Variants in ACVR1C observed in about 807,000 individuals in gnomAD.
The protein encoded by ACVR1C is activin receptor type-1C.
Under a neutral mutation model 57.9 loss-of-function variants are expected in ACVR1C, and 23 were observed. That is an observed-to-expected ratio of 0.40 (90% CI 0.29 to 0.56). ACVR1C has a LOEUF of 0.56. ACVR1C is among the 20% of genes least tolerant of loss of function. The pLI, the probability that ACVR1C is intolerant of heterozygous loss-of-function variation, is 0.50. For missense variants in ACVR1C, 480 were observed against 607.9 expected (o/e 0.79, Z 2.21); for synonymous variants, 214 against 215.3 (o/e 0.99, Z 0.05).
At chr2:157,619,865 G>C (rs1323518639) in intron 1 of ACVR1C, among the ~76,000 whole-genome samples, 1 of 151,886 alleles carries the variant, frequency 6.6e-6, no homozygotes, top group African/African-American at 2.4e-5. Context: ...GGTAAAAGGA[G>C]AGAAAATTCA....
rs925028615 is a variant in ACVR1C, at chr2:157,566,761, C to G, written c.305-10429G>C. On this transcript the variant is annotated intron_variant, in intron 2 of 8. Coordinates refer to ENST00000243349, the MANE Select transcript of ACVR1C (RefSeq NM_145259.3). ...AGCACAGCAGTCTGAGATCAAACTG[C>G]AAGGCGGCAACGAGGCTGGGGGAGG... 1.5e-3 allele frequency among the ~76,000 whole-genome samples: 231 copies of G among 151,746 alleles called. 1 individual carries two copies. The highest frequency in any genetic ancestry group is 2.2e-3 in the Non-Finnish European group (147 of 67,782).
chr2:157,535,993 T>C (rs1051421124), intron 8 of ACVR1C, among the ~76,000 whole-genome samples: 4 of 152,120 alleles, frequency 2.6e-5, no homozygotes, highest in African/African-American at 9.7e-5. Flanking sequence ...ACAAAGAGTC[T>C]AAATGCTCTA....
chr2:157,532,442 A>T lies in ACVR1C; in HGVS notation c.*1476T>A, dbSNP rs879251325. On this transcript the variant is annotated 3_prime_UTR_variant, in exon 9 of 9. Coordinates refer to ENST00000243349, the MANE Select transcript of ACVR1C (RefSeq NM_145259.3). ...TCTTCAAAATACATTATATGCTAAC[A>T]TGTACTATCACTTTATAAGCAAGTA... 2.6e-5 allele frequency: 4 copies of T among 151,642 alleles called. No individual in the cohort carries two copies. In the South Asian group the frequency reaches 8.3e-4, roughly 32 times the overall value. 9.4% of individuals were successfully genotyped at this position (151,642 alleles called of 1,614,324 possible). A position where few individuals can be genotyped will look rare whatever the true frequency, so the allele number is the denominator to read the frequency against.
At chr2:157,623,373 G>A (rs1451679165) in intron 1 of ACVR1C, among the ~76,000 whole-genome samples, 39 of 152,104 alleles carry the variant, frequency 2.6e-4, no homozygotes, top group Admixed American at 2.5e-3. Flanking sequence ...ATCAACAGAC[G>A]AATGGATAAC....
intron 1 of ACVR1C, among the ~76,000 whole-genome samples, chr2:157,627,134 T>A (rs2105163823): frequency 6.6e-6 from 1 of 152,266 alleles, no homozygotes; most frequent in Middle Eastern, 3.4e-3. Context: ...TATCAGCTCC[T>A]CCAAATAAAA....
At chr2:157,628,100 A>G (rs948842640) in intron 1 of ACVR1C, among the ~76,000 whole-genome samples, 6 of 152,120 alleles carry the variant, frequency 3.9e-5, no homozygotes, top group African/African-American at 1.4e-4. Context: ...CCTAAAACTC[A>G]GACTAAATCA....
chr2:157,538,580 C>A lies in ACVR1C; in HGVS notation c.1349G>T (p.Ser450Ile). The change falls in exon 8 of 9, where the codon AGT (serine) becomes ATT (isoleucine). Residue 450 changes from serine (S) to isoleucine (I), a missense_variant. Coordinates refer to ENST00000243349, the MANE Select transcript of ACVR1C (RefSeq NM_145259.3). ...FRPSIPNQWQSCEALRVMGRI... is the reference protein window; with the variant it reads ...FRPSIPNQWQICEALRVMGRI... ...ATAAAAACATGGCCTTACTTCACAACTTTGCCACTGGTTTGGGATACTTGG... is the reference window on the plus strand; with the variant it reads ...ATAAAAACATGGCCTTACTTCACAAATTTGCCACTGGTTTGGGATACTTGG... 6.4e-7 allele frequency: 1 copy of A among 1,560,238 alleles called. No homozygotes were observed.
At chr2:157,562,463 AT>A (rs1009381419) in intron 2 of ACVR1C, among the ~76,000 whole-genome samples, 1 of 7,432 alleles carries the variant, frequency 1.3e-4, no homozygotes, top group Non-Finnish European at 7.7e-4. Context: ...AACCAAAAAA[AT>A]AAAATAAAAT....
At chr2:157,560,423 C>T (rs995883301) in intron 2 of ACVR1C, among the ~76,000 whole-genome samples, 5 of 152,108 alleles carry the variant, frequency 3.3e-5, no homozygotes, top group African/African-American at 1.2e-4. Context: ...GAGTGGTAAA[C>T]GGGGCCTAAA....
intron 2 of ACVR1C, among the ~76,000 whole-genome samples, chr2:157,572,394 G>C (rs1192251033): frequency 6.9e-6 from 1 of 144,612 alleles, no homozygotes; most frequent in East Asian, 2.0e-4. Context: ...AAAAAAAAAA[G>C]TCTATGCTAG....
At chr2:157,575,265 T>C (rs1423297472) in intron 2 of ACVR1C, among the ~76,000 whole-genome samples, 4 of 152,028 alleles carry the variant, frequency 2.6e-5, no homozygotes, top group African/African-American at 9.7e-5. Flanking sequence ...AGTGAGTAGC[T>C]GGGATTACAG....
chr2:157,585,359 T>A (rs571146232), intron 2 of ACVR1C, among the ~76,000 whole-genome samples: 2 of 152,298 alleles, frequency 1.3e-5, no homozygotes, highest in African/African-American at 4.8e-5. Context: ...AATTAGACCT[T>A]AATACAGTTG....
chr2:157,547,876 G>T (rs1288157998), intron 4 of ACVR1C, among the ~76,000 whole-genome samples: 1 of 151,466 alleles, frequency 6.6e-6, no homozygotes, highest in African/African-American at 2.4e-5. Context: ...TGGTGTTTTG[G>T]ACATGAAGTC....
At chr2:157,575,203 A>C (rs1340234377) in intron 2 of ACVR1C, among the ~76,000 whole-genome samples, 1 of 142,634 alleles carries the variant, frequency 7.0e-6, no homozygotes, top group African/African-American at 2.6e-5. Context: ...ATCTCGCCTT[A>C]CTACAACCTC....
intron 7 of ACVR1C, among the ~76,000 whole-genome samples, chr2:157,539,013 TATAAA>T (rs1346065834): frequency 1.1e-4 from 16 of 149,392 alleles, no homozygotes; most frequent in African/African-American, 3.6e-4. Context: ...TCTATAATTG[TATAAA>T]ATAAATTTTA....
intron 8 of ACVR1C, among the ~76,000 whole-genome samples, chr2:157,535,205 A>G (rs1367501681): frequency 2.0e-5 from 3 of 151,560 alleles, no homozygotes; most frequent in African/African-American, 7.3e-5. Flanking sequence ...TTTCCCTGAA[A>G]CCTTCTAAGG....
chr2:157,614,398 G>A (rs753757541), intron 1 of ACVR1C, among the ~76,000 whole-genome samples: 2 of 152,034 alleles, frequency 1.3e-5, no homozygotes, highest in Non-Finnish European at 1.5e-5. Context: ...AAATGTATTA[G>A]GTTTGTTCTA....
intron 1 of ACVR1C, among the ~76,000 whole-genome samples, chr2:157,594,707 T>C (rs1172717860): frequency 6.6e-6 from 1 of 152,188 alleles, no homozygotes; most frequent in Non-Finnish European, 1.5e-5. Flanking sequence ...TCCCTCAATC[T>C]TAGTGTCCAC....
rs367879814 is a variant in ACVR1C, at chr2:157,542,881, C to T, written c.944-19G>A. The T allele has an allele frequency of 1.2e-6, 2 of 1,610,600 alleles. No individual in the cohort carries two copies. The highest frequency in any genetic ancestry group is 2.7e-5 in the African/African-American group (2 of 74,740). On this transcript the variant is annotated intron_variant, in intron 5 of 8. Transcript: ENST00000243349. ...GGTTTACCTATGAAGCAAAGAAGAACATATTCATTTTTTTCTTTACCGGAG... is the reference window on the plus strand; with the variant it reads ...GGTTTACCTATGAAGCAAAGAAGAATATATTCATTTTTTTCTTTACCGGAG...
Sources: allele counts gnomAD v4.1 joint callset (sites outside exome capture counted in the v4.1 genomes callset), GRCh38; gene constraint gnomAD v4.1.1; transcripts MANE v1.5; gene names NCBI Gene and HGNC (gene_info 2026-07-23, HGNC 2026-07-21).